Variants in KIAA0513 observed in about 807,000 individuals in gnomAD.
KIAA0513 encodes KIAA0513, also known as uncharacterized protein KIAA0513.
In KIAA0513, 39 loss-of-function variants were observed where a neutral mutation model predicts 56.5. The observed-to-expected ratio is 0.69, with a 90% CI of 0.53 to 0.90. The LOEUF (loss-of-function observed/expected upper bound fraction) is 0.90. Among genes scored for constraint, KIAA0513 ranks in the 40% least tolerant of loss-of-function variants. KIAA0513 has a pLI of 0.00. For missense variants in KIAA0513, 591 were observed against 535.2 expected (o/e 1.10, Z -1.03); for synonymous variants, 268 against 215.6 (o/e 1.24, Z -2.13).
chr16:85,073,892 A>G (rs1049439014), intron 4 of KIAA0513, among the ~76,000 whole-genome samples: 1 of 152,044 alleles, frequency 6.6e-6, no homozygotes, highest in African/African-American at 2.4e-5. Context: ...GGCCTGAAAA[A>G]TATCCCTCCT....
At chr16:85,030,299 C>A (rs1003508941) in intron 1 of KIAA0513, among the ~76,000 whole-genome samples, 1 of 152,300 alleles carries the variant, frequency 6.6e-6, no homozygotes, top group Non-Finnish European at 1.5e-5. Flanking sequence ...ACGCAGTTCT[C>A]CGGCAGCCTG....
At chr16:85,060,840 T>C (rs56884266) in intron 1 of KIAA0513, among the ~76,000 whole-genome samples, 12,124 of 138,912 alleles carry the variant, frequency 0.087, 1,636 homozygotes, top group African/African-American at 0.29. Context: ...CGTGAACCTA[T>C]CTAAAAAAAA....
At chr16:85,087,670 C>T (rs1236954514) in intron 12 of KIAA0513, among the ~76,000 whole-genome samples, 5 of 152,194 alleles carry the variant, frequency 3.3e-5, no homozygotes. Flanking sequence ...TGCTGGGGGC[C>T]CGTCCCTGTG....
In KIAA0513 at chr16:85,091,223, G is replaced by T. The variant is rs1280336256; in HGVS notation, c.*2898G>T. The T allele has an allele frequency of 6.6e-6, 1 of 152,234 alleles. No individual in the cohort carries two copies. Among genetic ancestry groups the T allele is most frequent in the Non-Finnish European group, 1.5e-5 (1 of 68,042 alleles). 9.4% of individuals were successfully genotyped at this position (152,234 alleles called of 1,614,324 possible). Reference sequence around the variant, plus strand: ...ACCAAAATGCAAACAACTCACACAAGTGAAAAGCTCCCTGCTTTGAAAACA... The same window carrying T: ...ACCAAAATGCAAACAACTCACACAATTGAAAAGCTCCCTGCTTTGAAAACA... On this transcript the variant is annotated 3_prime_UTR_variant, in exon 13 of 13. Coordinates refer to ENST00000683363, the MANE Select transcript of KIAA0513 (RefSeq NM_001388359.1).
At chr16:85,055,643 G>A (rs1163296121) in intron 1 of KIAA0513, among the ~76,000 whole-genome samples, 1 of 152,140 alleles carries the variant, frequency 6.6e-6, no homozygotes, top group African/African-American at 2.4e-5. Flanking sequence ...TGTCGTGTTG[G>A]TAGCCTCTTT....
At chr16:85,064,225 C>G (rs979175230) in intron 1 of KIAA0513, among the ~76,000 whole-genome samples, 1 of 151,618 alleles carries the variant, frequency 6.6e-6, no homozygotes, top group Non-Finnish European at 1.5e-5. Context: ...AGGCTGGTGT[C>G]GAACTCCTGA....
At chr16:85,055,985 C>G (rs538003511) in intron 1 of KIAA0513, among the ~76,000 whole-genome samples, 7 of 152,366 alleles carry the variant, frequency 4.6e-5, no homozygotes, top group African/African-American at 1.7e-4. Context: ...CAGTCCCCAT[C>G]CTGGCCTTGC....
intron 1 of KIAA0513, among the ~76,000 whole-genome samples, chr16:85,059,015 G>C (rs1483514908): frequency 1.3e-5 from 2 of 152,172 alleles, no homozygotes; most frequent in Non-Finnish European, 2.9e-5. Flanking sequence ...ATAAATCTAT[G>C]TCTGGACAGC....
intron 1 of KIAA0513, among the ~76,000 whole-genome samples, chr16:85,028,152 G>C (rs1280397012): frequency 6.6e-6 from 1 of 152,208 alleles, no homozygotes; most frequent in Non-Finnish European, 1.5e-5. Flanking sequence ...GCCCGTGAAT[G>C]AGTGCAACCC....
In KIAA0513 at chr16:85,081,747, G is replaced by T. The variant is rs2073747302; in HGVS notation, c.980+355G>T. Among the ~76,000 whole-genome samples the T allele has an allele frequency of 6.6e-6, 1 of 152,212 alleles. No homozygotes were observed. Among genetic ancestry groups the T allele is most frequent in the African/African-American group, 2.4e-5 (1 of 41,448 alleles). ...GATGAACGCTTGGAGCAGGGTCCTG[G>T]GAGGAAGGGCTGGCCACCATCCCCG... On this transcript the variant is annotated intron_variant, in intron 9 of 12. Coordinates refer to ENST00000683363, the MANE Select transcript of KIAA0513 (RefSeq NM_001388359.1). This position sits in a 1 kb window ranked among gnomAD's most constrained non-coding sequence, Gnocchi z 4.4.
At chr16:85,055,588 C>G (rs1422832529) in intron 1 of KIAA0513, among the ~76,000 whole-genome samples, 1 of 152,174 alleles carries the variant, frequency 6.6e-6, no homozygotes, top group Non-Finnish European at 1.5e-5. Context: ...GGCACCAGCT[C>G]TTGACCTCAG....
chr16:85,037,357 G>A (rs1283920295), intron 1 of KIAA0513, among the ~76,000 whole-genome samples: 2 of 152,144 alleles, frequency 1.3e-5, no homozygotes, highest in Admixed American at 1.3e-4. Flanking sequence ...ACTTCCTTGA[G>A]TCAGGGGATA....
At chr16:85,074,173 C>G (rs1179451852) in intron 4 of KIAA0513, among the ~76,000 whole-genome samples, 1 of 151,946 alleles carries the variant, frequency 6.6e-6, no homozygotes, top group African/African-American at 2.4e-5. Flanking sequence ...CAGGGTTTCA[C>G]CATGTCGGCC....
intron 2 of KIAA0513, among the ~76,000 whole-genome samples, chr16:85,068,357 G>C (rs1190564692): frequency 1.4e-5 from 2 of 145,974 alleles, no homozygotes; most frequent in Non-Finnish European, 3.0e-5. Context: ...TTTTGAGACA[G>C]AGTCTGGCTC....
At chr16:85,053,402 A>G (rs1200958564) in intron 1 of KIAA0513, among the ~76,000 whole-genome samples, 1 of 152,166 alleles carries the variant, frequency 6.6e-6, no homozygotes, top group African/African-American at 2.4e-5. Flanking sequence ...TCTGTAAGTT[A>G]ACTGTATCTC....
At position 85,089,135 on chromosome 16, in the gene KIAA0513, A is replaced by T. The variant is rs2073842881; in HGVS notation, c.*810A>T. ...CTGAAGCAGAGAAGCCTCCATGGTC[A>T]CGAAGCAGCGTTGTGCTGTGTGTCC... is the stretch of plus-strand genomic sequence containing the variant. On this transcript the variant is annotated 3_prime_UTR_variant, in exon 13 of 13. Transcript: ENST00000683363. The surrounding 1 kb of genome is among the most constrained non-coding windows in gnomAD (Gnocchi z 4.2). 6.6e-6 allele frequency: 1 copy of T among 152,236 alleles called. No homozygotes were observed. Among genetic ancestry groups the T allele is most frequent in the African/African-American group, 2.4e-5 (1 of 41,422 alleles). The allele number at this position is 152,236 out of a possible 1,614,324, so 9.4% of individuals were successfully genotyped here. A position where few individuals can be genotyped will look rare whatever the true frequency, so the allele number is the denominator to read the frequency against.
At chr16:85,029,226 C>T (rs1046188192) in intron 1 of KIAA0513, among the ~76,000 whole-genome samples, 1 of 151,800 alleles carries the variant, frequency 6.6e-6, no homozygotes, top group African/African-American at 2.4e-5. Context: ...GATTTTTTTT[C>T]CATTAAAGAG....
chr16:85,030,126 C>T (rs1790720824), intron 1 of KIAA0513, among the ~76,000 whole-genome samples: 1 of 152,340 alleles, frequency 6.6e-6, no homozygotes, highest in African/African-American at 2.4e-5. Flanking sequence ...TGCCGCAGCA[C>T]CCCTGCGCCC....
intron 1 of KIAA0513, among the ~76,000 whole-genome samples, chr16:85,029,628 C>T (rs1048771877): frequency 1.3e-5 from 2 of 152,160 alleles, no homozygotes; most frequent in African/African-American, 4.8e-5. Context: ...CTGCTTCTCT[C>T]TCCTCCCACC....
Sources: gnomAD v4.1 joint callset for allele counts (sites outside exome capture counted in the v4.1 genomes callset) on GRCh38, gnomAD v4.1.1 for gene constraint, Gnocchi (gnomAD v3.1) non-coding constraint, MANE v1.5 for transcripts, NCBI Gene and HGNC (gene_info 2026-07-23, HGNC 2026-07-21) for gene names.